The following MACF1 variants were observed in gnomAD, a reference collection of about 807,000 sequenced individuals.
The protein encoded by MACF1 is microtubule-actin cross-linking factor 1.
In MACF1, 193 loss-of-function variants were observed where a neutral mutation model predicts 854.8. The ratio of observed to expected loss-of-function variants is 0.23; its 90% confidence interval spans 0.20 to 0.25. The LOEUF (loss-of-function observed/expected upper bound fraction) is 0.25. MACF1 is among the 10% of genes least tolerant of loss of function. MACF1 has a pLI of 1.00. For synonymous variants in MACF1, 3,185 were observed against 3,226.7 expected (o/e 0.99, Z 0.44); for missense variants, 7,722 against 8,929.1 (o/e 0.86, Z 5.45).
intron 80 of MACF1, among the ~76,000 whole-genome samples, chr1:39,446,096 A>G (rs1489985472): frequency 6.6e-6 from 1 of 152,248 alleles, no homozygotes; most frequent in African/African-American, 2.4e-5. Flanking sequence ...TAGTTGAGCA[A>G]AATACCTTAA....
chr1:39,406,848 C>G (rs1420645847), intron 58 of MACF1, among the ~76,000 whole-genome samples: 1 of 151,172 alleles, frequency 6.6e-6, no homozygotes, highest in African/African-American at 2.4e-5. Context: ...GCATGCTAAA[C>G]AGTCTGTTAT....
chr1:39,324,090 A>G, intron 33 of MACF1, 103 bp from the exon 34 acceptor site: 1 of 1,169,688 alleles, frequency 8.5e-7, no homozygotes, highest in Non-Finnish European at 1.2e-6. Context: ...TTATTTAGGT[A>G]ACTGTATCTG....
intron 2 of MACF1, among the ~76,000 whole-genome samples, chr1:39,137,242 G>A (rs1643200230): frequency 6.6e-6 from 1 of 152,110 alleles, no homozygotes; most frequent in South Asian, 2.1e-4. Flanking sequence ...GCTGATTTTT[G>A]TATTTTTGTT....
At chr1:39,132,985 G>T (rs928934472) in intron 2 of MACF1, among the ~76,000 whole-genome samples, 1 of 152,192 alleles carries the variant, frequency 6.6e-6, no homozygotes, top group African/African-American at 2.4e-5. Context: ...AGCTCTGCAT[G>T]CTGTGGATTC....
chr1:39,176,597 A>G (rs1228070395), intron 2 of MACF1, among the ~76,000 whole-genome samples: 1 of 151,990 alleles, frequency 6.6e-6, no homozygotes, highest in African/African-American at 2.4e-5. Flanking sequence ...ATTTCTGCTT[A>G]TGCTTGGGGA....
chr1:39,192,264 C>G (rs1430337977), intron 2 of MACF1, among the ~76,000 whole-genome samples: 1 of 152,182 alleles, frequency 6.6e-6, no homozygotes, highest in Non-Finnish European at 1.5e-5. Flanking sequence ...ACTCACCAGG[C>G]ACACATAGTG....
In MACF1 at chr1:39,336,457, C is replaced by T. The variant is rs1306444159; in HGVS notation, c.9869C>T (p.Ala3290Val). 1 of 1,614,064 alleles carries T rather than the reference C, an allele frequency of 6.2e-7. No individual in the cohort carries two copies. The highest frequency in any genetic ancestry group is 1.1e-5 in the South Asian group (1 of 91,082). ...AAAGAGAATACAGGGCAACAGAATGCCATCATTAGTCCTACTGTTCTAGAG... is the reference window on the plus strand; with the variant it reads ...AAAGAGAATACAGGGCAACAGAATGTCATCATTAGTCCTACTGTTCTAGAG... ...SQKENTGQQN[A>V]IISPTVLETS... The change falls in exon 37 of 101, where the codon GCC becomes GTC. Residue 3290 changes from alanine (A) to valine (V), a missense_variant. By Grantham distance (64) the Ala-to-Val change is moderately conservative. Coordinates refer to ENST00000564288, the MANE Select transcript of MACF1 (RefSeq NM_001394062.1).
chr1:39,388,082 C>T lies in MACF1; in HGVS notation c.15240C>T (p.Ala5080=), dbSNP rs1641869811. The part of the protein sequence containing the change: ...RNFTQGLVED[A]PDGSDASQLL... ...TTACTCAGGGTCTGGTAGAAGATGCCCCAGATGGATCTGATGCTTCTCAAC... is the reference window on the plus strand; with the variant it reads ...TTACTCAGGGTCTGGTAGAAGATGCTCCAGATGGATCTGATGCTTCTCAAC... Residue 5080 remains alanine (A), a synonymous_variant, in exon 58 of 101, where the codon GCC becomes GCT. Transcript: ENST00000564288. The T allele has an allele frequency of 1.2e-6, 2 of 1,614,024 alleles. No homozygotes were observed. The highest frequency in any genetic ancestry group is 1.7e-6 in the Non-Finnish European group (2 of 1,180,014).
Position 39,461,930 on chromosome 1 carries a change from G to A in MACF1, c.21571G>A (p.Asp7191Asn), listed in dbSNP as rs1644564112. The A allele has an allele frequency of 2.5e-6, 4 of 1,613,272 alleles. No individual in the cohort carries two copies. The highest frequency in any genetic ancestry group is 3.4e-6 in the Non-Finnish European group (4 of 1,179,832). ...GATGACTGCTGTGGCTGACATTTTC[G>A]ACCGAGATGGGGATGGTTACATTGA... is the stretch of plus-strand genomic sequence containing the variant. ...LEMTAVADIFDRDGDGYIDYY... is the reference protein window; with the variant it reads ...LEMTAVADIFNRDGDGYIDYY... Residue 7191 changes from aspartate (D) to asparagine (N), a missense_variant, in exon 93 of 101, where the codon GAC becomes AAC. This residue lies in a region of MACF1 where 153 missense variants were observed against 342.5 expected (regional missense o/e 0.45). Transcript: ENST00000564288.
rs145343872 is a variant in MACF1, at chr1:39,335,843, A to G, written c.9255A>G (p.Pro3085=). 8.3e-4 allele frequency: 1,343 copies of G among 1,614,166 alleles called. 2 individuals are homozygous for G. The highest frequency in any genetic ancestry group is 1.8e-3 in the Middle Eastern group (11 of 6,062). ...TAAGTCTCTGCTTGACTTTAAAACC[A>G]GAAGAAAACTTATCTCGAGAAATTG... ...NNLSLCLTLK[P]EENLSREIAC... is the part of the protein sequence containing the mutation. Residue 3085 remains proline, a synonymous_variant, in exon 37 of 101, where the codon CCA becomes CCG. Transcript: ENST00000564288.
At chr1:39,256,781 C>T (rs1645101394) in intron 5 of MACF1, among the ~76,000 whole-genome samples, 1 of 151,098 alleles carries the variant, frequency 6.6e-6, no homozygotes, top group Non-Finnish European at 1.5e-5. Flanking sequence ...GGAGGCATGG[C>T]AGGTATGGAT....
chr1:39,220,547 A>G (rs1644639223), intron 1 of MACF1, among the ~76,000 whole-genome samples: 1 of 147,216 alleles, frequency 6.8e-6, no homozygotes, highest in African/African-American at 2.5e-5. Context: ...CAGTGGCGCA[A>G]TCTCAGCTCA....
chr1:39,234,096 AG>A (rs1358713581), intron 2 of MACF1, among the ~76,000 whole-genome samples: 1 of 147,578 alleles, frequency 6.8e-6, no homozygotes, highest in East Asian at 2.0e-4. Context: ...CAGAGAGCAC[AG>A]GGTTGGGGGT....
At chr1:39,127,906 T>C (rs758341074) in intron 2 of MACF1, among the ~76,000 whole-genome samples, 4 of 152,262 alleles carry the variant, frequency 2.6e-5, no homozygotes, top group Non-Finnish European at 5.9e-5. Flanking sequence ...GCTATGTTTA[T>C]GTAACTCTCT....
intron 1 of MACF1, among the ~76,000 whole-genome samples, chr1:39,217,509 A>G (rs1417110079): frequency 6.6e-6 from 1 of 151,832 alleles, no homozygotes; most frequent in East Asian, 1.9e-4. Flanking sequence ...TCCTGACCTC[A>G]AGTGATCCCT....
intron 93 of MACF1, among the ~76,000 whole-genome samples, chr1:39,463,060 G>A (rs1276546685): frequency 9.2e-5 from 14 of 152,204 alleles, no homozygotes; most frequent in Admixed American, 9.2e-4. Flanking sequence ...AATAAAGAAT[G>A]TGTTGTATAG....
chr1:39,208,639 T>A (rs1356408482), intron 1 of MACF1, among the ~76,000 whole-genome samples: 1 of 152,102 alleles, frequency 6.6e-6, no homozygotes, highest in East Asian at 1.9e-4. Flanking sequence ...TTATTTATTT[T>A]TTTGAGACAG....
At chr1:39,381,873 G>T (rs1015608750) in intron 55 of MACF1, 80 bp from the exon 56 acceptor site, 2 of 959,056 alleles carry the variant, frequency 2.1e-6, no homozygotes, top group Admixed American at 1.7e-5. Flanking sequence ...ATTTCCTGCA[G>T]TATATTAGGA....
intron 2 of MACF1, among the ~76,000 whole-genome samples, chr1:39,089,683 C>G (rs1641758899): frequency 1.3e-5 from 2 of 151,430 alleles, no homozygotes; most frequent in South Asian, 4.2e-4. Flanking sequence ...GAGAAGACAT[C>G]TCACAGGCAC....
Sources: allele counts gnomAD v4.1 joint callset (sites outside exome capture counted in the v4.1 genomes callset), GRCh38; gene constraint gnomAD v4.1.1; regional missense constraint gnomAD v4.1.1; transcripts MANE v1.5; gene names NCBI Gene and HGNC (gene_info 2026-07-23, HGNC 2026-07-21).